The following NUAK1 variants were observed in gnomAD, a reference collection of about 807,000 sequenced individuals.
NUAK1 encodes the protein NUAK family kinase 1, also known as NUAK family SNF1-like kinase 1.
In NUAK1, 26 loss-of-function variants were observed where a neutral mutation model predicts 56.9. That is an observed-to-expected ratio of 0.46 (90% CI 0.33 to 0.63). The LOEUF is 0.63. NUAK1 is among the 30% of genes least tolerant of loss of function. NUAK1 has a pLI of 0.02. For synonymous variants in NUAK1, 337 were observed against 336.0 expected (o/e 1.00, Z -0.03); for missense variants, 727 against 876.1 (o/e 0.83, Z 2.15).
rs2136453662 is a variant in NUAK1, at chr12:106,065,866, C to A, written c.*936G>T. ...CATCTGTGCAAAGATCACAGACCATCTTGTGCCCTGTCATATATAATAGTT... is the reference window on the plus strand; with the variant it reads ...CATCTGTGCAAAGATCACAGACCATATTGTGCCCTGTCATATATAATAGTT... On this transcript the variant is annotated 3_prime_UTR_variant, in exon 7 of 7. Coordinates refer to ENST00000261402, the MANE Select transcript of NUAK1 (RefSeq NM_014840.3). The A allele has an allele frequency of 6.5e-6, 1 of 152,764 alleles. No homozygotes were observed. Among genetic ancestry groups the A allele is most frequent in the Admixed American group, 6.5e-5 (1 of 15,310 alleles). 9.5% of individuals were successfully genotyped at this position (152,764 alleles called of 1,614,324 possible).
chr12:106,129,448 C>T (rs576710668), intron 1 of NUAK1, among the ~76,000 whole-genome samples: 37 of 152,320 alleles, frequency 2.4e-4, no homozygotes, highest in African/African-American at 8.9e-4. Context: ...AGCCCTGCTG[C>T]CTTTCTAATA....
intron 2 of NUAK1, among the ~76,000 whole-genome samples, chr12:106,105,112 C>T (rs1186813691): frequency 6.6e-6 from 1 of 152,076 alleles, no homozygotes; most frequent in African/African-American, 2.4e-5. Context: ...CGCCACCACA[C>T]CTGACTACTT....
chr12:106,075,318 C>CACACACACACACACACACACACAG (rs142856878), intron 4 of NUAK1, among the ~76,000 whole-genome samples: 1 of 146,744 alleles, frequency 6.8e-6, no homozygotes, highest in Non-Finnish European at 1.5e-5. Flanking sequence ...CACACACACA[C>CACACACACACACACACACACACAG]AGAGAGAGAG....
chr12:106,086,323 A>G (rs1421736565), intron 3 of NUAK1, among the ~76,000 whole-genome samples: 1 of 152,202 alleles, frequency 6.6e-6, no homozygotes, highest in Non-Finnish European at 1.5e-5. Flanking sequence ...GTGGTACCCT[A>G]GATTGGATGC....
chr12:106,079,668 A>G (rs1030510558), intron 4 of NUAK1, among the ~76,000 whole-genome samples: 1 of 152,224 alleles, frequency 6.6e-6, no homozygotes, highest in Non-Finnish European at 1.5e-5. Flanking sequence ...TAGGTAAAAG[A>G]GCAACTCTAT....
At chr12:106,086,018 A>G (rs1369041799) in intron 3 of NUAK1, among the ~76,000 whole-genome samples, 1 of 152,212 alleles carries the variant, frequency 6.6e-6, no homozygotes, top group Non-Finnish European at 1.5e-5. Flanking sequence ...TTCTGAGCAC[A>G]TCCGTGCATG....
chr12:106,111,395 C>T (rs918251321), intron 1 of NUAK1, among the ~76,000 whole-genome samples: 2 of 151,254 alleles, frequency 1.3e-5, no homozygotes, highest in Non-Finnish European at 2.9e-5. Context: ...ATGGAGAGGA[C>T]GCCTGTGTAG....
At chr12:106,106,346 C>A (rs1355838282) in intron 2 of NUAK1, 59 bp downstream of exon 2, 10 of 1,480,870 alleles carry the variant, frequency 6.8e-6, no homozygotes, top group Admixed American at 3.8e-5. Flanking sequence ...TCTTGGCAGG[C>A]CCCATGGTAT....
At chr12:106,121,541 A>T (rs990327773) in intron 1 of NUAK1, among the ~76,000 whole-genome samples, 6 of 152,284 alleles carry the variant, frequency 3.9e-5, no homozygotes, top group Admixed American at 6.5e-5. Context: ...CTTGAGGCCA[A>T]GCATTCAAGA....
intron 1 of NUAK1, among the ~76,000 whole-genome samples, chr12:106,124,925 A>AGGT (rs1412970949): frequency 1.3e-5 from 2 of 151,984 alleles, no homozygotes; most frequent in Non-Finnish European, 2.9e-5. Context: ...TGAACCCGGG[A>AGGT]GGTGGAGGTT....
At chr12:106,083,173 C>T (rs1377983918) in intron 4 of NUAK1, among the ~76,000 whole-genome samples, 1 of 152,122 alleles carries the variant, frequency 6.6e-6, no homozygotes, top group Admixed American at 6.5e-5. Context: ...AAGCACCATC[C>T]CCATTTTAGT....
At chr12:106,089,810 G>T (rs550823040) in intron 2 of NUAK1, among the ~76,000 whole-genome samples, 1 of 151,922 alleles carries the variant, frequency 6.6e-6, no homozygotes, top group Admixed American at 6.6e-5. Flanking sequence ...AAAATATATC[G>T]CAGATCTGTC....
At chr12:106,069,729 C>T (rs1395346821) in intron 6 of NUAK1, among the ~76,000 whole-genome samples, 1 of 152,152 alleles carries the variant, frequency 6.6e-6, no homozygotes, top group Admixed American at 6.5e-5. Flanking sequence ...GTGTTTGTAG[C>T]AACTTTGTAG....
intron 4 of NUAK1, among the ~76,000 whole-genome samples, chr12:106,080,656 T>G (rs774678420): frequency 5.3e-5 from 8 of 152,160 alleles, no homozygotes; most frequent in Non-Finnish European, 7.4e-5. Flanking sequence ...GGGAGAGGAA[T>G]GAGCTACATG....
At chr12:106,105,528 A>G (rs1026352952) in intron 2 of NUAK1, among the ~76,000 whole-genome samples, 18 of 152,220 alleles carry the variant, frequency 1.2e-4, no homozygotes, top group African/African-American at 4.3e-4. Flanking sequence ...ATTTATTGAT[A>G]CAGAAAAGAT....
In NUAK1 at chr12:106,064,801, C is replaced by CG. The variant is rs879155406; in HGVS notation, c.*2000_*2001insC. The stretch of plus-strand genomic sequence containing the variant: ...CATGCACCCACACCCCCACCCCCCC[C>CG]CACACACACAATTTGCTATCTACAG... On this transcript the variant is annotated 3_prime_UTR_variant, in exon 7 of 7. Coordinates refer to ENST00000261402, the MANE Select transcript of NUAK1 (RefSeq NM_014840.3). 1 of 146,762 alleles carries CG rather than the reference C, an allele frequency of 6.8e-6. No homozygotes were observed. Among genetic ancestry groups the CG allele is most frequent in the African/African-American group, 2.5e-5 (1 of 40,092 alleles). The allele number at this position is 146,762 out of a possible 1,614,324, so 9.1% of individuals were successfully genotyped here.
Position 106,066,909 on chromosome 12 carries a change from G to A in NUAK1, c.1879C>T (p.Arg627Trp), listed in dbSNP as rs775916862. ...CTGTCTGCCAGCCGGTTCCGGTACC[G>A]CTTCAGGTACTGGGGCCGGGGCCGG... ...QNRPRPQYLKRYRNRLADSSF... is the reference protein window; with the variant it reads ...QNRPRPQYLKWYRNRLADSSF... The change falls in exon 7 of 7, where the codon CGG becomes TGG. Residue 627 changes from arginine (R) to tryptophan (W), a missense_variant. By Grantham distance (101) the Arg-to-Trp change is moderately radical. Transcript: ENST00000261402. 8 of 1,614,214 alleles carry A rather than the reference G, an allele frequency of 5.0e-6. No individual in the cohort carries two copies. The highest frequency in any genetic ancestry group is 2.2e-5 in the East Asian group (1 of 44,890).
rs762178790 is a variant in NUAK1 at position 106,066,992 on chromosome 12, C to A, written c.1796G>T (p.Arg599Leu). ...QENRPARQRI[R>L]SCVSAENFLQ... Reference sequence around the variant, plus strand: ...GAAGTTTTCTGCAGAGACGCAGCTGCGGATGCGCTGGCGGGCAGGGCGATT... The same window carrying A: ...GAAGTTTTCTGCAGAGACGCAGCTGAGGATGCGCTGGCGGGCAGGGCGATT... Residue 599 changes from arginine to leucine, a missense_variant, in exon 7 of 7, where the codon CGC becomes CTC. By Grantham distance (102) the Arg-to-Leu change is moderately radical. Transcript: ENST00000261402. The A allele has an allele frequency of 3.7e-6, 6 of 1,614,106 alleles. No individual in the cohort carries two copies. Among genetic ancestry groups the A allele is most frequent in the Non-Finnish European group, 5.1e-6 (6 of 1,180,048 alleles).
chr12:106,099,728 A>G (rs185773417), intron 2 of NUAK1, among the ~76,000 whole-genome samples: 107 of 152,282 alleles, frequency 7.0e-4, no homozygotes, highest in Non-Finnish European at 1.3e-3. Flanking sequence ...GTGAGATAGT[A>G]CATGCACACC....
Sources: gnomAD v4.1 joint callset for allele counts (sites outside exome capture counted in the v4.1 genomes callset) on GRCh38, gnomAD v4.1.1 for gene constraint, MANE v1.5 for transcripts, NCBI Gene and HGNC (gene_info 2026-07-23, HGNC 2026-07-21) for gene names.